Variants in PKIB observed in about 807,000 individuals in gnomAD.
The protein encoded by PKIB is PKI-beta.
PKIB carries 2 observed loss-of-function variants against 4.5 expected under a neutral mutation model. The ratio of observed to expected loss-of-function variants is 0.44; its 90% CI spans 0.18 to 1.39. The LOEUF is 1.39. Among genes scored for constraint, PKIB ranks in the 40% most tolerant of loss-of-function variants. PKIB has a pLI of 0.27. For synonymous variants in PKIB, 38 were observed against 36.0 expected (o/e 1.06, Z -0.20); for missense variants, 94 against 92.6 (o/e 1.02, Z -0.06).
intron 4 of PKIB, among the ~76,000 whole-genome samples, chr6:122,719,775 T>C (rs1200124954): frequency 6.6e-6 from 1 of 151,028 alleles, no homozygotes; most frequent in Non-Finnish European, 1.5e-5. Flanking sequence ...ACACAAAGTA[T>C]GTGAGGTAAT....
chr6:122,590,556 AGT>A (rs748244274), intron 3 of PKIB, among the ~76,000 whole-genome samples: 2 of 152,178 alleles, frequency 1.3e-5, no homozygotes, highest in Non-Finnish European at 2.9e-5. Context: ...CTCCAGTGGA[AGT>A]GTATAAATGT....
chr6:122,510,738 C>G (rs1393799423), intron 2 of PKIB, among the ~76,000 whole-genome samples: 2 of 152,040 alleles, frequency 1.3e-5, no homozygotes, highest in Non-Finnish European at 2.9e-5. Context: ...GAAGTGTCCC[C>G]AATTTTTCCT....
chr6:122,519,084 A>G (rs1189391446), intron 2 of PKIB, among the ~76,000 whole-genome samples: 1 of 152,156 alleles, frequency 6.6e-6, no homozygotes, highest in African/African-American at 2.4e-5. Context: ...TCCGTGGGCT[A>G]CTAGGAACCA....
At chr6:122,472,060 T>C (rs74543264) in intron 1 of PKIB, 2 of 425,380 alleles carry the variant, frequency 4.7e-6, no homozygotes, top group East Asian at 9.7e-5. Context: ...AAAACCCACC[T>C]TTACCTACCA....
chr6:122,598,641 A>AGTAG (rs1582725413), intron 3 of PKIB, among the ~76,000 whole-genome samples: 1 of 152,234 alleles, frequency 6.6e-6, no homozygotes, highest in East Asian at 1.9e-4. Flanking sequence ...AGCTGGGATG[A>AGTAG]GTAGGTCTAA....
chr6:122,496,533 A>T (rs967177729), intron 2 of PKIB, among the ~76,000 whole-genome samples: 1 of 152,332 alleles, frequency 6.6e-6, no homozygotes, highest in African/African-American at 2.4e-5. Context: ...TTCTAAAAAG[A>T]AATCAATCAG....
intron 2 of PKIB, among the ~76,000 whole-genome samples, chr6:122,636,948 G>A (rs891348061): frequency 1.3e-5 from 2 of 152,148 alleles, no homozygotes; most frequent in African/African-American, 2.4e-5. Flanking sequence ...CACATTTCAT[G>A]TTGATGGAGA....
intron 2 of PKIB, among the ~76,000 whole-genome samples, chr6:122,655,623 T>A (rs1776745011): frequency 6.6e-6 from 1 of 152,090 alleles, no homozygotes; most frequent in South Asian, 2.1e-4. Context: ...CCCAGACAGA[T>A]GAAGACACTG....
chr6:122,532,845 G>A lies in PKIB; in HGVS notation c.-247-53076G>A, dbSNP rs6899836. Among the ~76,000 whole-genome samples, 488 of 152,200 alleles carry A rather than the reference G, an allele frequency of 3.2e-3. 5 individuals carry two copies. The highest frequency in any genetic ancestry group is 0.011 in the African/African-American group (470 of 41,536). On this transcript the variant is annotated intron_variant, in intron 2 of 6. Coordinates refer to the PKIB transcript ENST00000392491. ...TGCACGAATATCTCTTCAAGACCCT[G>A]CTATAAATTCTTTTGAGTATATACC...
intron 2 of PKIB, among the ~76,000 whole-genome samples, chr6:122,487,356 TTC>T (rs1775798443): frequency 6.6e-6 from 1 of 152,196 alleles, no homozygotes; most frequent in Admixed American, 6.5e-5. Flanking sequence ...CATCTGATAT[TTC>T]TTTGTGATTA....
chr6:122,562,209 A>G (rs1773057529), intron 2 of PKIB, among the ~76,000 whole-genome samples: 1 of 151,354 alleles, frequency 6.6e-6, no homozygotes, highest in Non-Finnish European at 1.5e-5. Context: ...TTTCCTTCAT[A>G]TATGAAGCTT....
chr6:122,622,905 C>T (rs1048745852), intron 1 of PKIB, among the ~76,000 whole-genome samples: 21 of 152,222 alleles, frequency 1.4e-4, no homozygotes, highest in African/African-American at 4.8e-4. Context: ...GTAGTTCTGG[C>T]AGCTAGAGTT....
chr6:122,516,421 A>G (rs1776755369), intron 2 of PKIB, among the ~76,000 whole-genome samples: 1 of 152,194 alleles, frequency 6.6e-6, no homozygotes, highest in South Asian at 2.1e-4. Context: ...TATGGTTGTG[A>G]TCACTAATGC....
chr6:122,530,731 A>G (rs2114616280), intron 2 of PKIB, among the ~76,000 whole-genome samples: 1 of 152,328 alleles, frequency 6.6e-6, no homozygotes, highest in South Asian at 2.1e-4. Flanking sequence ...GTCAGGTGAG[A>G]AAGAGATCAG....
intron 2 of PKIB, among the ~76,000 whole-genome samples, chr6:122,564,092 C>T (rs572856052): frequency 1.4e-3 from 206 of 152,252 alleles, no homozygotes; most frequent in African/African-American, 4.7e-3. Context: ...AAACTTCTCC[C>T]GCAAACAGAC....
At chr6:122,620,412 G>T (rs1039479950) in intron 1 of PKIB, among the ~76,000 whole-genome samples, 2 of 152,170 alleles carry the variant, frequency 1.3e-5, no homozygotes, top group Non-Finnish European at 2.9e-5. Flanking sequence ...GAGCCGAAAA[G>T]CTCATTATAG....
At chr6:122,551,325 C>CT (rs1772668169) in intron 2 of PKIB, among the ~76,000 whole-genome samples, 1 of 151,948 alleles carries the variant, frequency 6.6e-6, no homozygotes, top group Non-Finnish European at 1.5e-5. Flanking sequence ...TGTCTTTGCA[C>CT]TTTAATTACT....
At chr6:122,520,446 A>G (rs115744338) in intron 2 of PKIB, among the ~76,000 whole-genome samples, 94 of 152,298 alleles carry the variant, frequency 6.2e-4, no homozygotes, top group African/African-American at 2.1e-3. Flanking sequence ...TCTCCTTAGA[A>G]GAGGCCTCTT....
At chr6:122,669,031 A>T (rs1187589827) in intron 2 of PKIB, among the ~76,000 whole-genome samples, 1 of 152,190 alleles carries the variant, frequency 6.6e-6, no homozygotes. Context: ...CCTGGAAAAT[A>T]TATTGAGACC....
Sources: gnomAD v4.1 joint callset for allele counts (sites outside exome capture counted in the v4.1 genomes callset) on GRCh38, gnomAD v4.1.1 for gene constraint, MANE v1.5 for transcripts, NCBI Gene and HGNC (gene_info 2026-07-23, HGNC 2026-07-21) for gene names.